TTC39B: variants seen among roughly 807,000 people sequenced by gnomAD.
TTC39B encodes the protein tetratricopeptide repeat domain 39B, also known as tetratricopeptide repeat protein 39B.
In TTC39B, 92 loss-of-function variants were observed where a neutral mutation model predicts 96.6. That is an observed-to-expected ratio of 0.95 (90% CI 0.80 to 1.13). The LOEUF (loss-of-function observed/expected upper bound fraction) is 1.13, where lower values mean the gene tolerates loss of function less well. Among genes scored for constraint, TTC39B ranks in the 50% most tolerant of loss-of-function variants. The pLI, the probability that TTC39B is intolerant of heterozygous loss-of-function variation, is 0.00. For missense variants in TTC39B, 955 were observed against 809.3 expected, an observed-to-expected ratio of 1.18 and a Z score of -2.18; for synonymous variants, 367 against 299.4, an observed-to-expected ratio of 1.23 and a Z score of -2.33.
At chr9:15,293,582 G>A (rs901770744) in intron 1 of TTC39B, among the ~76,000 whole-genome samples, 5 of 147,786 alleles carry the variant, frequency 3.4e-5, no homozygotes, top group East Asian at 1.9e-4. Context: ...AATCGCTGGC[G>A]GTGAGACACA....
exon 20 of TTC39B, chr9:15,163,642 T>C (rs1817471127): frequency 6.6e-6 from 1 of 152,216 alleles, no homozygotes; most frequent in Non-Finnish European, 1.5e-5. Flanking sequence ...TGTAATTTAT[T>C]TAAATAACAA....
At chr9:15,229,332 C>T (rs1821299348) in intron 2 of TTC39B, among the ~76,000 whole-genome samples, 1 of 152,192 alleles carries the variant, frequency 6.6e-6, no homozygotes. Flanking sequence ...CACCTTGGAG[C>T]ACTGTCTGAC....
chr9:15,265,702 G>A (rs1423636626), intron 2 of TTC39B, among the ~76,000 whole-genome samples: 1 of 152,210 alleles, frequency 6.6e-6, no homozygotes, highest in Non-Finnish European at 1.5e-5. Context: ...CACTACCCAT[G>A]CCATGTGACC....
rs573886098 is a variant in TTC39B, at chr9:15,214,116, C to T, written c.482+23G>A. 3 of 1,540,252 alleles carry T rather than the reference C, an allele frequency of 1.9e-6. No homozygotes were observed. The Admixed American group carries it at 5.1e-5, about 26-fold the overall frequency. On this transcript the variant is annotated intron_variant, in intron 4 of 19. Coordinates refer to ENST00000512701, the Ensembl canonical transcript of TTC39B. ...CAGAAACATCTGAAAGATATTTTAT[C>T]TAAAAGAGACAAAGTAAATTACCAG...
intron 17 of TTC39B, among the ~76,000 whole-genome samples, chr9:15,178,053 TAG>T (rs1175084712): frequency 5.9e-5 from 9 of 151,888 alleles, no homozygotes; most frequent in Admixed American, 5.2e-4. Flanking sequence ...GTATTTTTAG[TAG>T]AGATGGGGTT....
chr9:15,185,539 T>C (rs1282309641), intron 15 of TTC39B, 133 bp from the exon 16 acceptor site: 1 of 1,430,614 alleles, frequency 7.0e-7, no homozygotes, highest in South Asian at 1.4e-5. Flanking sequence ...CTATTTGAAA[T>C]GCCAATTTTC....
intron 2 of TTC39B, among the ~76,000 whole-genome samples, chr9:15,247,581 T>G (rs928226543): frequency 3.9e-5 from 6 of 152,116 alleles, no homozygotes; most frequent in Non-Finnish European, 8.8e-5. Context: ...GATTTTTCCA[T>G]TAGCATTCCT....
At chr9:15,176,660 T>C (rs752410001) in intron 18 of TTC39B, among the ~76,000 whole-genome samples, 10 of 152,144 alleles carry the variant, frequency 6.6e-5, no homozygotes, top group South Asian at 2.1e-4. Context: ...TCCAGGCTTC[T>C]CGTGAAAAAT....
intron 2 of TTC39B, chr9:15,249,921 T>C (rs547236511): frequency 7.8e-7 from 1 of 1,275,754 alleles, no homozygotes; most frequent in Non-Finnish European, 1.0e-6. Context: ...TACTCACAGA[T>C]TTAGAGCAGC....
chr9:15,190,407 G>C (rs928906430), intron 11 of TTC39B, 147 bp downstream of exon 11: 1 of 607,276 alleles, frequency 1.6e-6, no homozygotes, highest in African/African-American at 1.8e-5. Flanking sequence ...GTGCAGTGAC[G>C]TGATCATAGC....
At chr9:15,198,326 A>G (rs985276822) in intron 8 of TTC39B, among the ~76,000 whole-genome samples, 1 of 151,854 alleles carries the variant, frequency 6.6e-6, no homozygotes, top group African/African-American at 2.4e-5. Flanking sequence ...CCGTGGTGGT[A>G]TGTGCCTGTA....
intron 7 of TTC39B, among the ~76,000 whole-genome samples, chr9:15,202,856 G>A (rs1019274606): frequency 4.6e-5 from 7 of 151,938 alleles, no homozygotes; most frequent in Non-Finnish European, 2.9e-5. Flanking sequence ...CACCCATGAA[G>A]CCATTATGTG....
chr9:15,235,430 G>A (rs1821731935), intron 2 of TTC39B, among the ~76,000 whole-genome samples: 1 of 152,110 alleles, frequency 6.6e-6, no homozygotes, highest in Non-Finnish European at 1.5e-5. Flanking sequence ...TCTTTCTACA[G>A]AGGTGAACAT....
At chr9:15,186,847 C>A in intron 15 of TTC39B, 97 bp downstream of exon 15, 1 of 1,105,886 alleles carries the variant, frequency 9.0e-7, no homozygotes, top group Non-Finnish European at 1.4e-6. Flanking sequence ...AAGCACATGC[C>A]ACCAGGCCCA....
chr9:15,184,697 A>C (rs1199915614), intron 16 of TTC39B, among the ~76,000 whole-genome samples: 2 of 152,230 alleles, frequency 1.3e-5, no homozygotes, highest in South Asian at 4.1e-4. Context: ...GCTCTTGAGC[A>C]CTGGAAATAC....
chr9:15,268,746 T>G (rs1000354222), intron 1 of TTC39B, among the ~76,000 whole-genome samples: 1 of 152,104 alleles, frequency 6.6e-6, no homozygotes, highest in African/African-American at 2.4e-5. Context: ...CCACGAGACC[T>G]CCAAAGGGCC....
chr9:15,184,451 G>C (rs981887454), intron 16 of TTC39B, among the ~76,000 whole-genome samples: 2 of 149,154 alleles, frequency 1.3e-5, no homozygotes, highest in Non-Finnish European at 3.0e-5. Context: ...GGAAACCCCA[G>C]AGTGGAGGAC....
intron 1 of TTC39B, among the ~76,000 whole-genome samples, chr9:15,271,315 G>C (rs943084493): frequency 6.6e-6 from 1 of 152,144 alleles, no homozygotes; most frequent in African/African-American, 2.4e-5. Context: ...TGACTTACAG[G>C]ATTTTTAGTG....
intron 1 of TTC39B, among the ~76,000 whole-genome samples, chr9:15,273,639 T>G (rs531966176): frequency 7.2e-6 from 1 of 139,820 alleles, no homozygotes; most frequent in Admixed American, 6.7e-5. Flanking sequence ...TGCAGATACC[T>G]TCCTCCTCAA....
Sources: allele counts gnomAD v4.1 joint callset (sites outside exome capture counted in the v4.1 genomes callset), GRCh38; gene constraint gnomAD v4.1.1; transcripts MANE v1.5; gene names NCBI Gene and HGNC (gene_info 2026-07-23, HGNC 2026-07-21).